The following SND1 variants were observed in gnomAD, a reference collection of about 807,000 sequenced individuals.
SND1 encodes the protein staphylococcal nuclease domain-containing protein 1.
In SND1, 38 loss-of-function variants were observed where a neutral mutation model predicts 121.7. That is an observed-to-expected ratio of 0.31 (90% CI 0.24 to 0.41). The LOEUF is 0.41. Among genes scored for constraint, SND1 ranks in the 10% least tolerant of loss-of-function variants. The probability of loss-of-function intolerance (pLI) is 1.00; values close to 1 mark genes in which losing one functional copy is unlikely to be tolerated. For synonymous variants in SND1, 401 were observed against 447.4 expected (o/e 0.90, Z 1.31); for missense variants, 868 against 1,184.6 (o/e 0.73, Z 3.92).
intron 12 of SND1, among the ~76,000 whole-genome samples, chr7:127,882,586 C>G (rs1226964015): frequency 6.6e-6 from 1 of 152,064 alleles, no homozygotes; most frequent in East Asian, 1.9e-4. Context: ...TGTCTTCCTC[C>G]TCTCAATTAT....
chr7:127,962,700 C>G (rs1031800689), intron 15 of SND1, among the ~76,000 whole-genome samples: 1 of 152,178 alleles, frequency 6.6e-6, no homozygotes, highest in Non-Finnish European at 1.5e-5. Context: ...GACACTATTT[C>G]TGGAGCAAGC....
chr7:128,014,017 C>T (rs1377004042), intron 16 of SND1, among the ~76,000 whole-genome samples: 1 of 152,250 alleles, frequency 6.6e-6, no homozygotes, highest in African/African-American at 2.4e-5. Flanking sequence ...TCTATCCTCT[C>T]TCCTTCCTTG....
At chr7:127,701,931 C>A (rs1796112227) in intron 5 of SND1, among the ~76,000 whole-genome samples, 1 of 152,142 alleles carries the variant, frequency 6.6e-6, no homozygotes, top group African/African-American at 2.4e-5. Flanking sequence ...CTTTTTGGAA[C>A]TTTGTGGAAT....
intron 15 of SND1, among the ~76,000 whole-genome samples, chr7:127,990,138 C>T (rs1244447958): frequency 2.0e-5 from 3 of 152,122 alleles, no homozygotes; most frequent in Non-Finnish European, 2.9e-5. Flanking sequence ...ATATAGTAAA[C>T]GTCTCCATGT....
chr7:127,999,340 T>G (rs1260696972), intron 16 of SND1: 1 of 151,534 alleles, frequency 6.6e-6, no homozygotes, highest in Non-Finnish European at 1.5e-5. Context: ...CTTAAGAGAG[T>G]TTTATGTTTT....
Position 128,087,629 on chromosome 7 carries a change from A to G in SND1, c.2418+578A>G, listed in dbSNP as rs138225102. On this transcript the variant is annotated intron_variant, in intron 21 of 23. Transcript: ENST00000354725. ...AGAATGAGAAGGAGCGAATTTGGGC[A>G]GTGGGACCTCCAGGCAGCCTTACAG... Among the ~76,000 whole-genome samples, 17 of 152,340 alleles carry G rather than the reference A, an allele frequency of 1.1e-4. No individual in the cohort carries two copies. The East Asian group carries it at 3.3e-3, about 29-fold the overall frequency.
intron 13 of SND1, among the ~76,000 whole-genome samples, chr7:127,901,009 A>G (rs3757769): frequency 0.096 from 14,666 of 152,182 alleles, 736 homozygotes; most frequent in South Asian, 0.17. Context: ...GCCTAATGAA[A>G]AGGGATGCAG....
intron 17 of SND1, among the ~76,000 whole-genome samples, chr7:128,075,760 C>T (rs1432965143): frequency 6.6e-6 from 1 of 152,212 alleles, no homozygotes; most frequent in South Asian, 2.1e-4. Flanking sequence ...GAGGCAGCCA[C>T]CATCAGACCT....
chr7:128,019,829 C>T (rs1436540211), intron 16 of SND1, among the ~76,000 whole-genome samples: 1 of 152,316 alleles, frequency 6.6e-6, no homozygotes, highest in East Asian at 1.9e-4. Flanking sequence ...GGACAATTTC[C>T]TAGCTTTCTG....
At position 127,897,608 on chromosome 7, in the gene SND1, T is replaced by G. The variant is rs117556463; in HGVS notation, c.1455-7139T>G. ...GCATGTTCTGTTTGGTTTGCCTTGGTAAAGGGAGATGGAAAGCAAATGCCA... is the reference window on the plus strand; with the variant it reads ...GCATGTTCTGTTTGGTTTGCCTTGGGAAAGGGAGATGGAAAGCAAATGCCA... On this transcript the variant is annotated intron_variant, in intron 13 of 23. Transcript: ENST00000354725. Among the ~76,000 whole-genome samples the G allele has an allele frequency of 2.0e-5, 3 of 152,168 alleles. No individual in the cohort carries two copies. In the East Asian group the frequency reaches 5.8e-4, roughly 29 times the overall value.
chr7:127,727,233 C>G (rs1411150596), intron 10 of SND1, among the ~76,000 whole-genome samples: 1 of 152,146 alleles, frequency 6.6e-6, no homozygotes, highest in Non-Finnish European at 1.5e-5. Context: ...CAGACCTGGC[C>G]CGCCTGGCTC....
chr7:128,022,579 A>G (rs919296877), intron 16 of SND1, among the ~76,000 whole-genome samples: 7 of 152,362 alleles, frequency 4.6e-5, no homozygotes, highest in African/African-American at 1.7e-4. Context: ...GTCCATGTAC[A>G]CTGAACTGAT....
At chr7:127,855,692 C>G (rs1212054302) in intron 12 of SND1, among the ~76,000 whole-genome samples, 2 of 152,152 alleles carry the variant, frequency 1.3e-5, no homozygotes, top group Non-Finnish European at 2.9e-5. Flanking sequence ...TACCATTGAC[C>G]TAATTTTAAA....
chr7:127,778,908 A>T (rs1584566437), intron 10 of SND1, among the ~76,000 whole-genome samples: 1 of 152,300 alleles, frequency 6.6e-6, no homozygotes, highest in South Asian at 2.1e-4. Context: ...GCTGCCTCCC[A>T]GGGCCCTGAT....
intron 15 of SND1, among the ~76,000 whole-genome samples, chr7:127,979,392 G>C (rs1024973949): frequency 1.3e-5 from 2 of 152,214 alleles, no homozygotes; most frequent in African/African-American, 4.8e-5. Flanking sequence ...CCCTATTGCT[G>C]TGTCGTTTCC....
intron 15 of SND1, among the ~76,000 whole-genome samples, chr7:127,960,626 T>C (rs1361032400): frequency 6.6e-6 from 1 of 152,254 alleles, no homozygotes; most frequent in Non-Finnish European, 1.5e-5. Flanking sequence ...AGCTATATTC[T>C]GTAGCCCTAG....
intron 10 of SND1, among the ~76,000 whole-genome samples, chr7:127,721,992 CAA>C (rs1213870990): frequency 6.6e-6 from 1 of 152,010 alleles, no homozygotes; most frequent in African/African-American, 2.4e-5. Flanking sequence ...AAAACTCTAA[CAA>C]GAGCTGGTAT....
intron 1 of SND1, among the ~76,000 whole-genome samples, chr7:127,670,027 C>G (rs1197421532): frequency 1.3e-5 from 2 of 149,016 alleles, no homozygotes; most frequent in Admixed American, 6.7e-5. Flanking sequence ...GACAGAGTCT[C>G]TCACCCAGGC....
chr7:128,086,073 C>G (rs533386603), intron 20 of SND1, among the ~76,000 whole-genome samples: 1 of 152,318 alleles, frequency 6.6e-6, no homozygotes, highest in South Asian at 2.1e-4. Context: ...GGGGCAGGGC[C>G]TCTGTAGCAC....
Sources: allele counts gnomAD v4.1 joint callset (sites outside exome capture counted in the v4.1 genomes callset), GRCh38; gene constraint gnomAD v4.1.1; transcripts MANE v1.5; gene names NCBI Gene and HGNC (gene_info 2026-07-23, HGNC 2026-07-21).